GLCCI1: variants seen among roughly 807,000 people sequenced by gnomAD.
The protein encoded by GLCCI1 is glucocorticoid-induced transcript 1 protein.
In GLCCI1, 24 loss-of-function variants were observed where a neutral mutation model predicts 52.2. That is an observed-to-expected ratio of 0.46 (90% CI 0.33 to 0.65). The LOEUF (loss-of-function observed/expected upper bound fraction) is 0.65, where lower values mean the gene tolerates loss of function less well. Among genes scored for constraint, GLCCI1 ranks in the 30% least tolerant of loss-of-function variants. The probability of loss-of-function intolerance (pLI) is 0.02; values close to 1 mark genes in which losing one functional copy is unlikely to be tolerated. For synonymous variants in GLCCI1, 310 were observed against 276.5 expected (o/e 1.12, Z -1.20); for missense variants, 704 against 701.5 (o/e 1.00, Z -0.04).
intron 3 of GLCCI1, among the ~76,000 whole-genome samples, chr7:8,054,346 TGC>T (rs1354824505): frequency 2.0e-5 from 3 of 152,192 alleles, no homozygotes; most frequent in Admixed American, 6.5e-5. Flanking sequence ...GTGTATCTTT[TGC>T]AAGCACATTT....
At chr7:8,083,434 G>T (rs555617548) in intron 6 of GLCCI1, among the ~76,000 whole-genome samples, 1 of 152,058 alleles carries the variant, frequency 6.6e-6, no homozygotes, top group African/African-American at 2.4e-5. Context: ...AGCTTAAATA[G>T]GGCAGCAAAT....
chr7:7,979,132 G>A (rs935760491), intron 1 of GLCCI1, among the ~76,000 whole-genome samples: 4 of 152,064 alleles, frequency 2.6e-5, no homozygotes, highest in Non-Finnish European at 5.9e-5. Context: ...CATTAGTATT[G>A]CAAAAGTGAG....
intron 2 of GLCCI1, among the ~76,000 whole-genome samples, chr7:8,021,482 G>C (rs1000241191): frequency 6.6e-6 from 1 of 151,942 alleles, no homozygotes; most frequent in Non-Finnish European, 1.5e-5. Context: ...ACACAATCTT[G>C]GCTCACTGCA....
intron 3 of GLCCI1, among the ~76,000 whole-genome samples, chr7:8,044,527 C>T (rs59437461): frequency 0.056 from 8,594 of 152,130 alleles, 359 homozygotes; most frequent in East Asian, 0.19. Context: ...TATGCCACCA[C>T]ACCTGGCTAA....
intron 3 of GLCCI1, among the ~76,000 whole-genome samples, chr7:8,053,125 G>C (rs1782297215): frequency 6.6e-6 from 1 of 151,620 alleles, no homozygotes; most frequent in South Asian, 2.1e-4. Flanking sequence ...CAAAAAATGT[G>C]TTTCTGGTTC....
chr7:8,030,077 G>C (rs1405435456), intron 3 of GLCCI1, among the ~76,000 whole-genome samples: 4 of 152,064 alleles, frequency 2.6e-5, no homozygotes. Context: ...AAAAGACCCA[G>C]AATAGCCAAA....
At chr7:8,076,654 T>C (rs922771350) in intron 6 of GLCCI1, among the ~76,000 whole-genome samples, 1 of 152,208 alleles carries the variant, frequency 6.6e-6, no homozygotes, top group Non-Finnish European at 1.5e-5. Context: ...TAGCCATTAT[T>C]GCTCAGTTTA....
chr7:8,054,323 C>A (rs191876947), intron 3 of GLCCI1, among the ~76,000 whole-genome samples: 2 of 152,218 alleles, frequency 1.3e-5, no homozygotes, highest in Non-Finnish European at 2.9e-5. Flanking sequence ...CAAATATTCA[C>A]ATAATCTTAT....
intron 2 of GLCCI1, among the ~76,000 whole-genome samples, chr7:8,015,439 T>C (rs1781358496): frequency 6.6e-6 from 1 of 152,194 alleles, no homozygotes; most frequent in African/African-American, 2.4e-5. Context: ...GACTTCTTCA[T>C]GAAATGGAAG....
chr7:8,059,537 C>T (rs548763164), intron 4 of GLCCI1, among the ~76,000 whole-genome samples: 1 of 152,122 alleles, frequency 6.6e-6, no homozygotes, highest in Non-Finnish European at 1.5e-5. Flanking sequence ...GAACTCCTGC[C>T]AAGGACTTTT....
intron 6 of GLCCI1, among the ~76,000 whole-genome samples, chr7:8,073,406 C>G (rs1411861609): frequency 6.6e-6 from 1 of 152,076 alleles, no homozygotes; most frequent in Non-Finnish European, 1.5e-5. Flanking sequence ...TAGACCTTTT[C>G]CTAAGTTTGC....
chr7:8,086,226 A>G lies in GLCCI1; in HGVS notation c.1332A>G (p.Ser444=), dbSNP rs1193474184. 2.5e-6 allele frequency: 4 copies of G among 1,613,954 alleles called. No individual in the cohort carries two copies. The highest frequency in any genetic ancestry group is 1.1e-5 in the South Asian group (1 of 91,052). ...AGCCTATCTCGGCCCCTCTCTTTTC[A>G]TGTCCTGACAAAAACAAGGTTAATT... The part of the protein sequence containing the change: ...SRQPISAPLF[S]CPDKNKVNFI... Residue 444 remains serine, a synonymous_variant, in exon 8 of 8, where the codon TCA becomes TCG. Transcript: ENST00000223145. This position sits in a 1 kb window ranked among gnomAD's most constrained non-coding sequence, Gnocchi z 4.4.
intron 1 of GLCCI1, among the ~76,000 whole-genome samples, chr7:7,996,574 G>A (rs1020602857): frequency 6.6e-6 from 1 of 152,112 alleles, no homozygotes; most frequent in Non-Finnish European, 1.5e-5. Context: ...TAGACTGAAG[G>A]CCTCCTTCTA....
At chr7:8,082,959 C>G (rs923027401) in intron 6 of GLCCI1, among the ~76,000 whole-genome samples, 2 of 152,062 alleles carry the variant, frequency 1.3e-5, no homozygotes, top group Non-Finnish European at 2.9e-5. Flanking sequence ...ACTTTTCTTA[C>G]GTGATAATAG....
rs2115397041 is a variant in GLCCI1 at position 7,969,842 on chromosome 7, C to T, written c.457+35C>T. On this transcript the variant is annotated intron_variant, in intron 1 of 7. Transcript: ENST00000223145. The surrounding 1 kb of genome is among the most constrained non-coding windows in gnomAD (Gnocchi z 4.9). ...CCAACCCTCCCGTCCTCCCGGGCTG[C>T]GTCTCCCCGACGGTGCCCTCCGTGG... 3.6e-6 allele frequency: 5 copies of T among 1,378,714 alleles called. No individual in the cohort carries two copies. Among genetic ancestry groups the T allele is most frequent in the East Asian group, 3.4e-5 (1 of 29,638 alleles). The allele number at this position is 1,378,714 out of a possible 1,614,324, so 85.4% of individuals were successfully genotyped here. A position where few individuals can be genotyped will look rare whatever the true frequency, so the allele number is the denominator to read the frequency against.
intron 1 of GLCCI1, among the ~76,000 whole-genome samples, chr7:7,990,192 A>G (rs1283379394): frequency 6.6e-6 from 1 of 152,110 alleles, no homozygotes; most frequent in African/African-American, 2.4e-5. Context: ...TTAATGATTC[A>G]GGCTGTATCT....
intron 1 of GLCCI1, among the ~76,000 whole-genome samples, chr7:7,994,775 A>G (rs1780906655): frequency 6.6e-6 from 1 of 152,214 alleles, no homozygotes; most frequent in South Asian, 2.1e-4. Flanking sequence ...TACATTGACA[A>G]AACTTCTATA....
In GLCCI1 at chr7:8,071,127, T is replaced by C. The variant is rs1782752113; in HGVS notation, c.1173T>C (p.Asp391=). Residue 391 remains aspartate, a synonymous_variant, in exon 6 of 8, where the codon GAT becomes GAC. Transcript: ENST00000223145. Reference sequence around the variant, plus strand: ...CAGAAGATTTGCTCTATGATCGTGATAAAGGTAAGAATGGAATTGTCCACT... The same window carrying C: ...CAGAAGATTTGCTCTATGATCGTGACAAAGGTAAGAATGGAATTGTCCACT... The part of the protein sequence containing the change: ...CSTEDLLYDR[D]KDSGSSSPLP... 6.2e-7 allele frequency: 1 copy of C among 1,613,188 alleles called. No individual in the cohort carries two copies. Among genetic ancestry groups the C allele is most frequent in the South Asian group, 1.1e-5 (1 of 91,068 alleles).
At chr7:7,983,692 T>C (rs1012431337) in intron 1 of GLCCI1, among the ~76,000 whole-genome samples, 4 of 152,234 alleles carry the variant, frequency 2.6e-5, no homozygotes, top group African/African-American at 9.6e-5. Context: ...CCCAGCTACA[T>C]GAACAATGAT....
Sources: gnomAD v4.1 joint callset for allele counts (sites outside exome capture counted in the v4.1 genomes callset) on GRCh38, gnomAD v4.1.1 for gene constraint, Gnocchi (gnomAD v3.1) non-coding constraint, MANE v1.5 for transcripts, NCBI Gene and HGNC (gene_info 2026-07-23, HGNC 2026-07-21) for gene names.